LIMK2: variants seen among roughly 807,000 people sequenced by gnomAD.
The protein encoded by LIMK2 is LIM domain kinase 2.
A neutral mutation model predicts 75.7 loss-of-function variants in LIMK2; 35 were observed. The ratio of observed to expected loss-of-function variants is 0.46; its 90% CI spans 0.35 to 0.61. The LOEUF is 0.61. Among genes scored for constraint, LIMK2 ranks in the 20% least tolerant of loss-of-function variants. LIMK2 has a pLI of 0.00. For synonymous variants in LIMK2, 301 were observed against 319.2 expected (o/e 0.94, Z 0.61); for missense variants, 623 against 831.0 (o/e 0.75, Z 3.08).
At position 31,276,824 on chromosome 22, in the gene LIMK2, G is replaced by A. The variant is rs749944678; in HGVS notation, c.1773-1473G>A. Reference sequence around the variant, plus strand: ...GGGGCCGCAGGAGAGGGCCCGGGCTGCGCGGATGATGAGGGCCCAGTGAGG... The same window carrying A: ...GGGGCCGCAGGAGAGGGCCCGGGCTACGCGGATGATGAGGGCCCAGTGAGG... On this transcript the variant is annotated intron_variant, in intron 15 of 15. Transcript: ENST00000331728. 3.1e-6 allele frequency: 5 copies of A among 1,611,750 alleles called. 1 individual carries two copies. In the Admixed American group the frequency reaches 8.3e-5, roughly 27 times the overall value.
chr22:31,270,397 TGA>T (rs755426422), intron 11 of LIMK2, among the ~76,000 whole-genome samples: 1 of 152,160 alleles, frequency 6.6e-6, no homozygotes, highest in Non-Finnish European at 1.5e-5. Context: ...AGGCAGGTCA[TGA>T]GCTATAGCGA....
At chr22:31,275,395 C>G in intron 15 of LIMK2, 87 bp downstream of exon 15, 2 of 1,369,698 alleles carry the variant, frequency 1.5e-6, no homozygotes, top group Non-Finnish European at 2.0e-6. Flanking sequence ...TCTGCAAGCA[C>G]AGGGGTGAGA....
At chr22:31,260,906 G>C (rs1456089956) in intron 5 of LIMK2, among the ~76,000 whole-genome samples, 1 of 152,220 alleles carries the variant, frequency 6.6e-6, no homozygotes, top group Non-Finnish European at 1.5e-5. Context: ...AAATCCAGCA[G>C]ATCCATTGAG....
At chr22:31,256,192 T>G (rs2048779337) in intron 2 of LIMK2, among the ~76,000 whole-genome samples, 1 of 148,802 alleles carries the variant, frequency 6.7e-6, no homozygotes, top group East Asian at 2.0e-4. Flanking sequence ...AGAGACAGGG[T>G]TTCACCATGT....
chr22:31,233,078 A>G (rs2048542849), intron 2 of LIMK2, among the ~76,000 whole-genome samples: 1 of 152,192 alleles, frequency 6.6e-6, no homozygotes, highest in Non-Finnish European at 1.5e-5. Flanking sequence ...TTCATCTTAT[A>G]TGACCTCCCA....
Position 31,248,784 on chromosome 22 carries a change from G to A in LIMK2, c.117-9507G>A, listed in dbSNP as rs538773570. On this transcript the variant is annotated intron_variant, in intron 2 of 15. Transcript: ENST00000331728. ...GACCTGTTTCGGTGAGTTGGTCTCC[G>A]AGTTCCCCTCTCCATCTCTCCTGGC... 24 of 1,613,938 alleles carry A rather than the reference G, an allele frequency of 1.5e-5. No homozygotes were observed. The South Asian group carries it at 1.5e-4, about 10-fold the overall frequency.
intron 8 of LIMK2, among the ~76,000 whole-genome samples, 168 bp downstream of exon 8, chr22:31,266,300 C>T (rs1461700481): frequency 6.6e-6 from 1 of 152,190 alleles, no homozygotes; most frequent in East Asian, 1.9e-4. Flanking sequence ...ACCCAGGCCA[C>T]CTAAGGTCAA....
rs1234429047 is a variant in LIMK2 at position 31,279,272 on chromosome 22, C to T, written c.*831C>T. The T allele has an allele frequency of 6.6e-6, 1 of 152,266 alleles. No individual in the cohort carries two copies. Among genetic ancestry groups the T allele is most frequent in the Non-Finnish European group, 1.5e-5 (1 of 68,080 alleles). 9.4% of individuals were successfully genotyped at this position (152,266 alleles called of 1,614,324 possible). On this transcript the variant is annotated 3_prime_UTR_variant, in exon 16 of 16. Transcript: ENST00000331728. ...CAGATCTTGGCTTCTGTTACTCATA[C>T]TCGGGTGGGCTCCTTAGTCAGATGC...
At chr22:31,248,846 CCTT>C in intron 2 of LIMK2, 1 of 1,461,068 alleles carries the variant, frequency 6.8e-7, no homozygotes, top group Non-Finnish European at 9.6e-7. Flanking sequence ...CCCTAAATCT[CCTT>C]CTCACTTAGT....
At chr22:31,215,532 C>G (rs779268641) in intron 1 of LIMK2, among the ~76,000 whole-genome samples, 5 of 152,176 alleles carry the variant, frequency 3.3e-5, no homozygotes, top group Non-Finnish European at 7.3e-5. Flanking sequence ...TCCAGGGTCA[C>G]TCAACTAGTG....
intron 8 of LIMK2, 23 bp from the exon 9 acceptor site, chr22:31,266,961 A>G (rs1211010327): frequency 9.0e-6 from 14 of 1,556,668 alleles, no homozygotes; most frequent in African/African-American, 2.7e-5. Context: ...TCTCAGCACC[A>G]TTAACAGTCA....
At chr22:31,246,105 G>A (rs1024092339) in intron 2 of LIMK2, among the ~76,000 whole-genome samples, 5 of 151,378 alleles carry the variant, frequency 3.3e-5, no homozygotes, top group African/African-American at 9.7e-5. Context: ...CCTGGGAGGC[G>A]GAGGTTGCAG....
At position 31,278,457 on chromosome 22, in the gene LIMK2, C is replaced by T. The variant is rs1333317295; in HGVS notation, c.*16C>T. 1 of 1,590,052 alleles carries T rather than the reference C, an allele frequency of 6.3e-7. No homozygotes were observed. The highest frequency in any genetic ancestry group is 1.1e-5 in the South Asian group (1 of 88,430). On this transcript the variant is annotated 3_prime_UTR_variant, in exon 16 of 16. Transcript: ENST00000331728. ...ACCTCCCTAGCCCTGGCCCAGCCCC[C>T]TGCAGGGGGGTGTTCTACAGCCAGC...
intron 1 of LIMK2, among the ~76,000 whole-genome samples, chr22:31,216,200 T>C (rs939129930): frequency 1.3e-5 from 2 of 152,156 alleles, no homozygotes; most frequent in Admixed American, 1.3e-4. Flanking sequence ...GAATACTTCT[T>C]GAAGTGGGTA....
At chr22:31,269,774 A>C (rs1026750298) in intron 11 of LIMK2, among the ~76,000 whole-genome samples, 2 of 137,562 alleles carry the variant, frequency 1.5e-5, no homozygotes, top group Non-Finnish European at 3.2e-5. Context: ...ACTTCATCTC[A>C]AAAAAAAAAA....
chr22:31,250,114 G>A (rs1262141772), intron 2 of LIMK2, among the ~76,000 whole-genome samples: 2 of 152,114 alleles, frequency 1.3e-5, no homozygotes, highest in East Asian at 3.9e-4. Context: ...AGTAAAAAAA[G>A]GGATAGTTTG....
intron 2 of LIMK2, among the ~76,000 whole-genome samples, chr22:31,257,940 A>G (rs935701609): frequency 1.3e-5 from 2 of 152,192 alleles, no homozygotes; most frequent in African/African-American, 4.8e-5. Context: ...AATCCTTTAT[A>G]TATACACCCT....
chr22:31,225,949 C>A, intron 2 of LIMK2, 130 bp downstream of exon 2: 1 of 735,732 alleles, frequency 1.4e-6, no homozygotes, highest in Non-Finnish European at 2.3e-6. Context: ...AAGGAATGTA[C>A]CAAGGAAGAG....
intron 2 of LIMK2, among the ~76,000 whole-genome samples, chr22:31,256,585 C>T (rs1413268282): frequency 6.6e-6 from 1 of 152,138 alleles, no homozygotes; most frequent in Non-Finnish European, 1.5e-5. Context: ...AGTGATCCAC[C>T]CGCCTCGGCC....
Sources: gnomAD v4.1 joint callset for allele counts (sites outside exome capture counted in the v4.1 genomes callset) on GRCh38, gnomAD v4.1.1 for gene constraint, MANE v1.5 for transcripts, NCBI Gene and HGNC (gene_info 2026-07-23, HGNC 2026-07-21) for gene names.